Variants in TUB observed in about 807,000 individuals in gnomAD.
TUB encodes the protein TUB bipartite transcription factor, also known as tubby protein homolog.
TUB carries 33 observed loss-of-function variants against 59.7 expected under a neutral mutation model. The observed-to-expected ratio is 0.55, with a 90% confidence interval of 0.42 to 0.74. The LOEUF (loss-of-function observed/expected upper bound fraction) is 0.74, where lower values mean the gene tolerates loss of function less well. Among genes scored for constraint, TUB ranks in the 30% least tolerant of loss-of-function variants. TUB has a pLI of 0.00. For missense variants in TUB, 659 were observed against 672.0 expected, an observed-to-expected ratio of 0.98 and a Z score of 0.21; for synonymous variants, 293 against 256.4, an observed-to-expected ratio of 1.14 and a Z score of -1.36.
chr11:8,080,901 T>G (rs1943541611), upstream of TUB, among the ~76,000 whole-genome samples: 2 of 152,098 alleles, frequency 1.3e-5, no homozygotes, highest in African/African-American at 4.8e-5. Context: ...CCCCGCCAAA[T>G]CCGCGCATCG....
intron 2 of TUB, chr11:8,076,040 A>C (rs1018959048): frequency 6.6e-6 from 1 of 152,054 alleles, no homozygotes; most frequent in Non-Finnish European, 1.5e-5. Context: ...AGCCGATCCT[A>C]TGGTTTCTTT....
intron 2 of TUB, among the ~76,000 whole-genome samples, chr11:8,063,576 C>G (rs538096002): frequency 1.3e-5 from 2 of 152,310 alleles, no homozygotes; most frequent in South Asian, 4.1e-4. Context: ...AGTGTTCACT[C>G]GACCCAGTTT....
intron 2 of TUB, among the ~76,000 whole-genome samples, chr11:8,059,622 C>T (rs1483887318): frequency 2.6e-5 from 4 of 151,914 alleles, no homozygotes; most frequent in East Asian, 3.9e-4. Flanking sequence ...AGAAGTTCTG[C>T]GGGGAGATCT....
intron 2 of TUB, chr11:8,039,816 G>A: frequency 7.2e-6 from 5 of 694,178 alleles, no homozygotes; most frequent in Non-Finnish European, 8.5e-6. Context: ...GCCTGGGAGT[G>A]TGTGTGTGAA....
chr11:8,025,449 T>C (rs1222577246), intron 1 of TUB, among the ~76,000 whole-genome samples: 3 of 152,178 alleles, frequency 2.0e-5, no homozygotes, highest in Non-Finnish European at 4.4e-5. Context: ...TGGAAACCTG[T>C]GTGTCCTCTG....
chr11:8,039,557 G>A, intron 1 of TUB: 1 of 1,220,528 alleles, frequency 8.2e-7, no homozygotes, highest in South Asian at 2.0e-5. Flanking sequence ...AGGAGGCCTT[G>A]AGTGACCAGG....
In TUB at chr11:8,106,194, T is replaced by C. The variant is rs1944618170; in HGVS notation, c.*4575T>C. The C allele has an allele frequency of 1.3e-5, 2 of 152,124 alleles. No homozygotes were observed. The highest frequency in any genetic ancestry group is 4.8e-5 in the African/African-American group (2 of 41,460). 9.4% of individuals were successfully genotyped at this position (152,124 alleles called of 1,614,324 possible). ...TATGTATGTTGTAGAATTTAGTGTT[T>C]GTCTAAGTACACACATATATCAACA... is the stretch of plus-strand genomic sequence containing the variant. On this transcript the variant is annotated 3_prime_UTR_variant, in exon 12 of 12. Coordinates refer to ENST00000299506, the MANE Select transcript of TUB (RefSeq NM_177972.3).
intron 9 of TUB, among the ~76,000 whole-genome samples, chr11:8,100,122 A>G (rs1392266732): frequency 6.6e-6 from 1 of 152,208 alleles, no homozygotes; most frequent in South Asian, 2.1e-4. Flanking sequence ...GGCTGTTAGA[A>G]TGATCTTGGT....
intron 2 of TUB, among the ~76,000 whole-genome samples, chr11:8,059,835 T>A (rs912683588): frequency 1.3e-5 from 2 of 152,050 alleles, no homozygotes; most frequent in African/African-American, 4.8e-5. Context: ...AAAAGTGTAA[T>A]GTTCCTGGAG....
At chr11:8,072,616 G>A (rs769189899) in intron 2 of TUB, among the ~76,000 whole-genome samples, 3 of 152,194 alleles carry the variant, frequency 2.0e-5, no homozygotes, top group Non-Finnish European at 4.4e-5. Flanking sequence ...GTGGTGCTTT[G>A]GACTTCCAGC....
At chr11:8,053,508 C>G (rs1257886825) in intron 2 of TUB, among the ~76,000 whole-genome samples, 1 of 151,436 alleles carries the variant, frequency 6.6e-6, no homozygotes, top group African/African-American at 2.4e-5. Flanking sequence ...ATTAATTTAT[C>G]TATTTATTTT....
chr11:8,043,405 A>G (rs1045504782), intron 2 of TUB, among the ~76,000 whole-genome samples: 4 of 152,080 alleles, frequency 2.6e-5, no homozygotes, highest in African/African-American at 9.7e-5. Flanking sequence ...GCTATTCTGT[A>G]TCCCTTAATT....
At chr11:8,078,145 C>T (rs116001687), upstream of TUB, among the ~76,000 whole-genome samples, 1 of 152,064 alleles carries the variant, frequency 6.6e-6, no homozygotes, top group African/African-American at 2.4e-5. Context: ...AGGGGGTGGC[C>T]CTGGGGTCCT....
chr11:8,094,539 ACTGGGGG>A (rs1943898528), intron 4 of TUB, among the ~76,000 whole-genome samples: 1 of 152,196 alleles, frequency 6.6e-6, no homozygotes, highest in African/African-American at 2.4e-5. Context: ...CACTCACTGC[ACTGGGGG>A]CTGACTGCTT....
At chr11:8,089,586 GA>G (rs1253241068) in intron 1 of TUB, 23 bp from the exon 2 acceptor site, 3 of 1,614,026 alleles carry the variant, frequency 1.9e-6, no homozygotes, top group Non-Finnish European at 2.5e-6. Flanking sequence ...GGCAAGCCCT[GA>G]AAACCCCTCT....
intron 2 of TUB, 147 bp downstream of exon 2, chr11:8,089,808 C>T (rs2133832694): frequency 8.4e-7 from 1 of 1,195,034 alleles, no homozygotes; most frequent in Non-Finnish European, 1.2e-6. Flanking sequence ...GCACTCTCTC[C>T]CAGCTCAGCA....
intron 1 of TUB, chr11:8,039,489 C>T (rs1399859077): frequency 3.3e-6 from 2 of 598,846 alleles, no homozygotes; most frequent in Non-Finnish European, 5.4e-6. Context: ...ATGGAAGTCC[C>T]TCTACCCTGA....
At chr11:8,096,013 A>G (rs1011972239) in intron 5 of TUB, among the ~76,000 whole-genome samples, 1 of 152,216 alleles carries the variant, frequency 6.6e-6, no homozygotes, top group Non-Finnish European at 1.5e-5. Flanking sequence ...TTCCCACCAC[A>G]AGCCCTGCCC....
chr11:8,089,526 C>A, intron 1 of TUB, 84 bp from the exon 2 acceptor site: 1 of 1,555,130 alleles, frequency 6.4e-7, no homozygotes, highest in Non-Finnish European at 8.9e-7. Flanking sequence ...GTTTAACGGG[C>A]CCAGATATGC....
Sources: allele counts gnomAD v4.1 joint callset (sites outside exome capture counted in the v4.1 genomes callset), GRCh38; gene constraint gnomAD v4.1.1; transcripts MANE v1.5; gene names NCBI Gene and HGNC (gene_info 2026-07-23, HGNC 2026-07-21).